CAB39L: variants seen among roughly 807,000 people sequenced by gnomAD.
CAB39L encodes the protein calcium binding protein 39 like.
In CAB39L, 23 loss-of-function variants were observed where a neutral mutation model predicts 39.1. The ratio of observed to expected loss-of-function variants is 0.59; its 90% CI spans 0.42 to 0.83. The LOEUF (loss-of-function observed/expected upper bound fraction) is 0.83, where lower values mean the gene tolerates loss of function less well. Among genes scored for constraint, CAB39L ranks in the 40% least tolerant of loss-of-function variants. The probability of loss-of-function intolerance (pLI) is 0.00; values close to 1 mark genes in which losing one functional copy is unlikely to be tolerated. For synonymous variants in CAB39L, 126 were observed against 137.2 expected (o/e 0.92, Z 0.57); for missense variants, 366 against 391.9 (o/e 0.93, Z 0.56).
chr13:49,355,838 G>A (rs867180262), intron 6 of CAB39L, among the ~76,000 whole-genome samples: 5 of 151,780 alleles, frequency 3.3e-5, no homozygotes, highest in Admixed American at 6.6e-5. Flanking sequence ...ATTAGACACC[G>A]ATGAAAGTTC....
At chr13:49,376,411 T>C (rs964941505) in intron 5 of CAB39L, among the ~76,000 whole-genome samples, 7 of 152,216 alleles carry the variant, frequency 4.6e-5, no homozygotes, top group Non-Finnish European at 1.0e-4. Context: ...AAGCTTTTGT[T>C]TTAGTTAGTC....
intron 3 of CAB39L, chr13:49,412,829 T>C (rs1957015510): frequency 6.6e-6 from 1 of 152,184 alleles, no homozygotes; most frequent in Non-Finnish European, 1.5e-5. Context: ...GAAGGGTTTG[T>C]GCTGTCTATG....
chr13:49,351,239 G>T lies in CAB39L; in HGVS notation c.396-327C>A, dbSNP rs189667160. 1.2e-3 allele frequency: 214 copies of T among 179,150 alleles called. 1 individual carries two copies. Among genetic ancestry groups the T allele is most frequent in the African/African-American group, 4.9e-3 (200 of 41,020 alleles). The allele number at this position is 179,150 out of a possible 1,614,324, so 11.1% of individuals were successfully genotyped here. ...GTAAAAACTGTTGACAATAAAATAC[G>T]CCACATTATAAAGGTGACTAAATTG... On this transcript the variant is annotated intron_variant, in intron 6 of 10. Coordinates refer to ENST00000409308, the MANE Select transcript of CAB39L (RefSeq NM_001079670.3).
rs190585443 is a variant in CAB39L, at chr13:49,339,645, G to A, written c.690+32C>T. The A allele has an allele frequency of 2.3e-3, 3,480 of 1,524,012 alleles. 25 individuals carry two copies. The highest frequency in any genetic ancestry group is 0.016 in the South Asian group (1,168 of 73,158). 94.4% of individuals were successfully genotyped at this position (1,524,012 alleles called of 1,614,324 possible). ...ATTTGCTAATGAGATATAAACTTAC[G>A]GGGACACTGACTTAAAGAAATTTGA... On this transcript the variant is annotated intron_variant, in intron 9 of 10. Transcript: ENST00000409308.
chr13:49,412,776 A>T (rs923085594), intron 3 of CAB39L: 1 of 152,100 alleles, frequency 6.6e-6, no homozygotes, highest in African/African-American at 2.4e-5. Flanking sequence ...TTAGAGTCTC[A>T]TAAGGAGCCT....
intron 3 of CAB39L, among the ~76,000 whole-genome samples, chr13:49,390,294 G>C (rs1956459897): frequency 6.6e-6 from 1 of 152,004 alleles, no homozygotes; most frequent in South Asian, 2.1e-4. Context: ...TGTCACCTAG[G>C]CTGGAGTGCA....
In CAB39L at chr13:49,333,190, T is replaced by A. The variant is rs528216280; in HGVS notation, c.691-1100A>T. On this transcript the variant is annotated intron_variant, in intron 9 of 10. Coordinates refer to ENST00000409308, the MANE Select transcript of CAB39L (RefSeq NM_001079670.3). ...AAACCTGAAAAAAGGATGACCCCTG[T>A]TGGATGTTGGCTGGTCACTAGTTAT... Among the ~76,000 whole-genome samples, 7 of 152,308 alleles carry A rather than the reference T, an allele frequency of 4.6e-5. No individual in the cohort carries two copies. In the East Asian group the frequency reaches 1.4e-3, roughly 29 times the overall value.
chr13:49,313,400 G>T (rs1027543444), intron 10 of CAB39L, among the ~76,000 whole-genome samples: 1 of 151,332 alleles, frequency 6.6e-6, no homozygotes, highest in African/African-American at 2.4e-5. Flanking sequence ...AGAATGGCGT[G>T]AACCCAGGAG....
At chr13:49,334,645 G>A (rs1954801575) in intron 9 of CAB39L, among the ~76,000 whole-genome samples, 1 of 152,092 alleles carries the variant, frequency 6.6e-6, no homozygotes. Context: ...GCTCCATAAG[G>A]GCGTGTTTCA....
intron 6 of CAB39L, among the ~76,000 whole-genome samples, chr13:49,358,752 C>G (rs558258065): frequency 6.6e-6 from 1 of 151,758 alleles, no homozygotes; most frequent in Non-Finnish European, 1.5e-5. Context: ...CCCAGCTACC[C>G]GGGAGGCTGA....
intron 3 of CAB39L, among the ~76,000 whole-genome samples, chr13:49,386,053 C>T (rs4942823): frequency 3.3e-5 from 5 of 151,874 alleles, no homozygotes; most frequent in East Asian, 1.9e-4. Context: ...CAATAAAATA[C>T]GGTATGCCTG....
intron 9 of CAB39L, among the ~76,000 whole-genome samples, chr13:49,332,890 A>G (rs1954750919): frequency 5.3e-5 from 8 of 151,964 alleles, no homozygotes. Flanking sequence ...AACTTTATAT[A>G]GAAGATATGT....
chr13:49,376,669 G>A lies in CAB39L; in HGVS notation c.276+298C>T, dbSNP rs565162434. ...ACAAAGGTAGTTTTAAGAATTCAACGAGTTGAATGCTTGAAACTGTACCTG... is the reference window on the plus strand; with the variant it reads ...ACAAAGGTAGTTTTAAGAATTCAACAAGTTGAATGCTTGAAACTGTACCTG... On this transcript the variant is annotated intron_variant, in intron 5 of 10. Transcript: ENST00000409308. 8.9e-4 allele frequency among the ~76,000 whole-genome samples: 135 copies of A among 152,188 alleles called. 1 individual carries two copies. The highest frequency in any genetic ancestry group is 3.1e-3 in the African/African-American group (127 of 41,518).
chr13:49,425,195 T>C (rs1405513151), intron 3 of CAB39L, among the ~76,000 whole-genome samples: 1 of 146,824 alleles, frequency 6.8e-6, no homozygotes, highest in Non-Finnish European at 1.5e-5. Context: ...AAAAAATAAC[T>C]AAACAGGAGA....
At chr13:49,364,521 A>G (rs1244136431) in intron 5 of CAB39L, among the ~76,000 whole-genome samples, 2 of 152,238 alleles carry the variant, frequency 1.3e-5, no homozygotes, top group African/African-American at 4.8e-5. Context: ...TGCAGATGAT[A>G]AAACCTTATA....
intron 10 of CAB39L, among the ~76,000 whole-genome samples, chr13:49,322,322 G>A (rs1026067493): frequency 3.9e-5 from 6 of 152,274 alleles, no homozygotes; most frequent in East Asian, 1.9e-4. Flanking sequence ...AGCATGTTAC[G>A]AATGCCACAT....
At chr13:49,379,111 G>C (rs1956195918) in intron 4 of CAB39L, among the ~76,000 whole-genome samples, 1 of 50,444 alleles carries the variant, frequency 2.0e-5, no homozygotes, top group Non-Finnish European at 4.0e-5. Context: ...GCCCCGTCCG[G>C]GAGGTGAGGG....
intron 3 of CAB39L, among the ~76,000 whole-genome samples, chr13:49,408,845 A>G (rs919467049): frequency 6.6e-6 from 1 of 152,070 alleles, no homozygotes; most frequent in Non-Finnish European, 1.5e-5. Context: ...CCCCCAAAAA[A>G]AGGCAACTAA....
chr13:49,389,194 T>C (rs1442763534), intron 3 of CAB39L, among the ~76,000 whole-genome samples: 2 of 152,204 alleles, frequency 1.3e-5, no homozygotes, highest in Non-Finnish European at 2.9e-5. Context: ...AACTACCACA[T>C]GATCCAGTAA....
Sources: allele counts gnomAD v4.1 joint callset (sites outside exome capture counted in the v4.1 genomes callset), GRCh38; gene constraint gnomAD v4.1.1; transcripts MANE v1.5; gene names NCBI Gene and HGNC (gene_info 2026-07-23, HGNC 2026-07-21).